CDK14: variants seen among roughly 807,000 people sequenced by gnomAD.
CDK14 encodes cyclin-dependent kinase 14.
CDK14 carries 34 observed loss-of-function variants against 60.7 expected under a neutral mutation model. The observed-to-expected ratio is 0.56, with a 90% CI of 0.43 to 0.75. The LOEUF (loss-of-function observed/expected upper bound fraction) is 0.75. Among genes scored for constraint, CDK14 ranks in the 30% least tolerant of loss-of-function variants. The pLI is 0.00. For missense variants in CDK14, 482 were observed against 564.1 expected (o/e 0.85, Z 1.47); for synonymous variants, 197 against 203.7 (o/e 0.97, Z 0.28).
intron 14 of CDK14, among the ~76,000 whole-genome samples, chr7:91,152,053 A>G (rs1800841947): frequency 6.6e-6 from 1 of 152,202 alleles, no homozygotes; most frequent in Non-Finnish European, 1.5e-5. Flanking sequence ...TGGCTTTGTA[A>G]ACCAGTCATA....
intron 2 of CDK14, among the ~76,000 whole-genome samples, chr7:90,653,278 C>T (rs1006068918): frequency 6.6e-6 from 1 of 152,110 alleles, no homozygotes; most frequent in African/African-American, 2.4e-5. Flanking sequence ...TCTGTTTCTT[C>T]AGCTCTAAGG....
At chr7:90,885,176 C>T (rs927416809) in intron 6 of CDK14, among the ~76,000 whole-genome samples, 1 of 152,168 alleles carries the variant, frequency 6.6e-6, no homozygotes, top group Non-Finnish European at 1.5e-5. Flanking sequence ...AAAATTTTTG[C>T]AAGCTACCCA....
intron 2 of CDK14, among the ~76,000 whole-genome samples, chr7:90,722,167 C>A (rs1802482290): frequency 6.7e-6 from 1 of 149,360 alleles, no homozygotes; most frequent in Non-Finnish European, 1.5e-5. Context: ...TCCATTTTCT[C>A]TTTCCCTTCC....
chr7:90,877,315 C>T (rs1342008347), intron 6 of CDK14, among the ~76,000 whole-genome samples: 4 of 152,148 alleles, frequency 2.6e-5, no homozygotes, highest in Non-Finnish European at 5.9e-5. Flanking sequence ...AGTTAACATT[C>T]AACTTCTAGT....
chr7:91,085,577 G>T (rs1798617385), intron 12 of CDK14, among the ~76,000 whole-genome samples: 1 of 152,156 alleles, frequency 6.6e-6, no homozygotes, highest in Admixed American at 6.5e-5. Context: ...GGGTTAACAG[G>T]TGGACATCTT....
intron 14 of CDK14, among the ~76,000 whole-genome samples, chr7:91,166,575 C>A (rs1215986773): frequency 6.6e-6 from 1 of 152,068 alleles, no homozygotes; most frequent in Non-Finnish European, 1.5e-5. Flanking sequence ...TGTGTTTAAC[C>A]TAGAAGGGAT....
intron 5 of CDK14, among the ~76,000 whole-genome samples, chr7:90,846,789 T>C (rs1275168592): frequency 6.6e-6 from 1 of 152,102 alleles, no homozygotes; most frequent in Non-Finnish European, 1.5e-5. Flanking sequence ...ATCACCTGAA[T>C]AACCAAAGTG....
intron 14 of CDK14, among the ~76,000 whole-genome samples, chr7:91,138,110 T>C (rs1231498511): frequency 1.3e-5 from 2 of 152,200 alleles, no homozygotes; most frequent in Non-Finnish European, 2.9e-5. Context: ...AATGTGCTTG[T>C]TTTCTTAGTG....
chr7:90,740,290 GAA>G (rs770260294), intron 3 of CDK14, among the ~76,000 whole-genome samples: 48 of 149,218 alleles, frequency 3.2e-4, no homozygotes, highest in East Asian at 1.2e-3. Context: ...GAGAGAGAGA[GAA>G]AGAAAGAAAG....
At chr7:90,899,428 A>G in intron 7 of CDK14, 75 bp downstream of exon 7, 1 of 1,098,998 alleles carries the variant, frequency 9.1e-7, no homozygotes, top group South Asian at 1.8e-5. Context: ...TAGCATCTCT[A>G]CCATAACATA....
intron 8 of CDK14, among the ~76,000 whole-genome samples, chr7:90,940,371 G>C (rs1338272892): frequency 6.6e-6 from 1 of 152,044 alleles, no homozygotes; most frequent in Non-Finnish European, 1.5e-5. Context: ...TGGCCTTATT[G>C]GCTGCATTTT....
intron 9 of CDK14, among the ~76,000 whole-genome samples, chr7:90,975,475 G>A (rs1795041703): frequency 6.6e-6 from 1 of 151,280 alleles, no homozygotes. Context: ...TCATTTCTTT[G>A]TGTTGGAAAC....
chr7:90,897,595 G>A (rs74388022), intron 6 of CDK14, among the ~76,000 whole-genome samples: 24,548 of 151,812 alleles, frequency 0.16, 2,268 homozygotes, highest in Middle Eastern at 0.28. Context: ...ATGTTCTCTC[G>A]TTCTTTATTT....
At chr7:91,022,845 A>G (rs2115883103) in intron 10 of CDK14, among the ~76,000 whole-genome samples, 1 of 152,264 alleles carries the variant, frequency 6.6e-6, no homozygotes, top group South Asian at 2.1e-4. Flanking sequence ...TTCTGAGCTG[A>G]TATGCTGCAT....
intron 5 of CDK14, among the ~76,000 whole-genome samples, chr7:90,834,045 G>A (rs1425407335): frequency 6.6e-6 from 1 of 152,164 alleles, no homozygotes; most frequent in Non-Finnish European, 1.5e-5. Context: ...CCCCTTGGTG[G>A]TGCTTAAATA....
intron 14 of CDK14, among the ~76,000 whole-genome samples, chr7:91,123,753 T>A (rs911714916): frequency 1.3e-5 from 2 of 152,072 alleles, no homozygotes; most frequent in Non-Finnish European, 2.9e-5. Flanking sequence ...TCAACTCTGA[T>A]CTGTACTGTG....
intron 13 of CDK14, among the ~76,000 whole-genome samples, chr7:91,115,913 A>G (rs540884941): frequency 6.6e-6 from 1 of 152,362 alleles, no homozygotes; most frequent in East Asian, 1.9e-4. Context: ...GAGGTAATGT[A>G]TTAGTGTGGC....
intron 14 of CDK14, among the ~76,000 whole-genome samples, chr7:91,125,531 C>T (rs74913252): frequency 1.3e-3 from 198 of 152,154 alleles, no homozygotes; most frequent in African/African-American, 4.4e-3. Flanking sequence ...TGCTAACCAA[C>T]GCATGCACAC....
At chr7:91,013,481 A>G (rs73229191) in intron 10 of CDK14, among the ~76,000 whole-genome samples, 2 of 152,262 alleles carry the variant, frequency 1.3e-5, no homozygotes, top group African/African-American at 2.4e-5. Flanking sequence ...AGAAATCATC[A>G]AAGGAAACTA....
Sources: gnomAD v4.1 joint callset for allele counts (sites outside exome capture counted in the v4.1 genomes callset) on GRCh38, gnomAD v4.1.1 for gene constraint, MANE v1.5 for transcripts, NCBI Gene and HGNC (gene_info 2026-07-23, HGNC 2026-07-21) for gene names.